Variants in ADCY1 observed in about 807,000 individuals in gnomAD.
ADCY1 encodes adenylate cyclase type 1.
ADCY1 carries 28 observed loss-of-function variants against 105.4 expected under a neutral mutation model. The observed-to-expected ratio is 0.27, with a 90% CI of 0.20 to 0.36. The LOEUF is 0.36. ADCY1 is among the 10% of genes least tolerant of loss of function. The pLI is 1.00. For synonymous variants in ADCY1, 655 were observed against 623.8 expected (o/e 1.05, Z -0.75); for missense variants, 977 against 1,434.2 (o/e 0.68, Z 5.15).
At chr7:45,579,479 C>T (rs905308914) in intron 1 of ADCY1, among the ~76,000 whole-genome samples, 19 of 152,108 alleles carry the variant, frequency 1.2e-4, no homozygotes, top group Admixed American at 6.5e-5. Context: ...TACTCCCCCA[C>T]GGACCCCTCC....
intron 4 of ADCY1, among the ~76,000 whole-genome samples, chr7:45,623,255 T>G (rs370565599): frequency 2.6e-5 from 4 of 152,236 alleles, no homozygotes; most frequent in African/African-American, 9.6e-5. Flanking sequence ...GTGCTGGGGT[T>G]TTGAAAGACC....
chr7:45,630,805 G>C (rs1429917709), intron 4 of ADCY1, among the ~76,000 whole-genome samples: 2 of 152,076 alleles, frequency 1.3e-5, no homozygotes, highest in South Asian at 4.1e-4. Flanking sequence ...ACATTAGAAA[G>C]ATCTTTGTTT....
At chr7:45,607,866 C>T (rs1793424320) in intron 2 of ADCY1, among the ~76,000 whole-genome samples, 1 of 152,170 alleles carries the variant, frequency 6.6e-6, no homozygotes, top group Non-Finnish European at 1.5e-5. Context: ...GTGTTGATTT[C>T]ATGTCTTTTA....
intron 10 of ADCY1, among the ~76,000 whole-genome samples, chr7:45,679,096 C>T (rs981284200): frequency 6.6e-5 from 10 of 152,064 alleles, no homozygotes; most frequent in African/African-American, 2.4e-4. Flanking sequence ...AAGAAAGACA[C>T]CACTGAGTCT....
chr7:45,639,722 A>T (rs1794488598), intron 4 of ADCY1, among the ~76,000 whole-genome samples: 1 of 152,206 alleles, frequency 6.6e-6, no homozygotes, highest in Admixed American at 6.5e-5. Flanking sequence ...CATGCCAGAG[A>T]TGCATTCAGA....
chr7:45,588,425 C>T lies in ADCY1; in HGVS notation c.640-4334C>T, dbSNP rs372337907. Among the ~76,000 whole-genome samples the T allele has an allele frequency of 8.5e-5, 13 of 152,362 alleles. No homozygotes were observed. The East Asian group carries it at 1.9e-3, about 23-fold the overall frequency. ...CCATTACCTGGCCTCCTCATGTCCT[C>T]GTTGCTCCTGGGGAGCCATTGCTTC... On this transcript the variant is annotated intron_variant, in intron 1 of 19. Coordinates refer to ENST00000297323, the MANE Select transcript of ADCY1 (RefSeq NM_021116.4).
At position 45,591,317 on chromosome 7, in the gene ADCY1, C is replaced by T. The variant is rs985232852; in HGVS notation, c.640-1442C>T. Among the ~76,000 whole-genome samples, 1 of 152,234 alleles carries T rather than the reference C, an allele frequency of 6.6e-6. No individual in the cohort carries two copies. ...CCGTCTGGGGGCCCCATCCTGCTGCCTGTAGCTTGGCCCGATCAGGGTGAC... is the reference window on the plus strand; with the variant it reads ...CCGTCTGGGGGCCCCATCCTGCTGCTTGTAGCTTGGCCCGATCAGGGTGAC... On this transcript the variant is annotated intron_variant, in intron 1 of 19. Transcript: ENST00000297323. This position sits in a 1 kb window ranked among gnomAD's most constrained non-coding sequence, Gnocchi z 4.1.
Position 45,633,297 on chromosome 7 carries a change from G to A in ADCY1, c.1020+10554G>A, listed in dbSNP as rs746761914. On this transcript the variant is annotated intron_variant, in intron 4 of 19. Coordinates refer to ENST00000297323, the MANE Select transcript of ADCY1 (RefSeq NM_021116.4). ...AATACAGTTGACCCTTGAACATCAC[G>A]GATTTGAACTGTGTGGATCCACTTA... Among the ~76,000 whole-genome samples the A allele has an allele frequency of 3.9e-4, 59 of 152,056 alleles. 1 individual carries two copies. Among genetic ancestry groups the A allele is most frequent in the African/African-American group, 9.7e-5 (4 of 41,406 alleles).
intron 8 of ADCY1, chr7:45,664,513 A>G: frequency 2.9e-6 from 4 of 1,380,672 alleles, no homozygotes; most frequent in South Asian, 3.6e-5. Context: ...ATAATTGATT[A>G]TGGAAAATAT....
intron 4 of ADCY1, among the ~76,000 whole-genome samples, chr7:45,624,302 C>G (rs1022466882): frequency 2.0e-5 from 3 of 150,156 alleles, no homozygotes; most frequent in Non-Finnish European, 4.4e-5. Flanking sequence ...ACTTGGGAGC[C>G]TGTTGCAGAC....
chr7:45,718,442 C>G lies in ADCY1; in HGVS notation c.*4447C>G, dbSNP rs1785400430. 6.6e-6 allele frequency: 1 copy of G among 152,116 alleles called. No homozygotes were observed. Among genetic ancestry groups the G allele is most frequent in the Non-Finnish European group, 1.5e-5 (1 of 68,012 alleles). 9.4% of individuals were successfully genotyped at this position (152,116 alleles called of 1,614,324 possible). ...CCTGTTCAGGCCTGGGGGCCCCATGCTAGGCTTGCCTGGGTGTGAGAAGGT... is the reference window on the plus strand; with the variant it reads ...CCTGTTCAGGCCTGGGGGCCCCATGGTAGGCTTGCCTGGGTGTGAGAAGGT... On this transcript the variant is annotated 3_prime_UTR_variant, in exon 20 of 20. Transcript: ENST00000297323.
chr7:45,632,553 A>G (rs1463117575), intron 4 of ADCY1, among the ~76,000 whole-genome samples: 1 of 152,052 alleles, frequency 6.6e-6, no homozygotes, highest in Admixed American at 6.5e-5. Flanking sequence ...TATAGTTTTC[A>G]GTGTATATGT....
intron 4 of ADCY1, among the ~76,000 whole-genome samples, chr7:45,635,139 T>C (rs1380350374): frequency 1.7e-5 from 1 of 57,308 alleles, no homozygotes; most frequent in Admixed American, 1.4e-4. Context: ...GTGAGGTCAG[T>C]TTTTTTTTTT....
chr7:45,630,163 C>T (rs1272500155), intron 4 of ADCY1, among the ~76,000 whole-genome samples: 4 of 152,024 alleles, frequency 2.6e-5, no homozygotes, highest in Non-Finnish European at 4.4e-5. Flanking sequence ...TTTGTATGTT[C>T]TACATATAAG....
At chr7:45,604,371 C>T (rs577625327) in intron 2 of ADCY1, among the ~76,000 whole-genome samples, 9 of 152,216 alleles carry the variant, frequency 5.9e-5, no homozygotes, top group Admixed American at 2.0e-4. Flanking sequence ...AGGTTTAATT[C>T]GCCAGTTTTT....
chr7:45,649,023 T>C (rs1794743929), intron 5 of ADCY1, among the ~76,000 whole-genome samples: 1 of 152,220 alleles, frequency 6.6e-6, no homozygotes, highest in Non-Finnish European at 1.5e-5. Context: ...ATTTCGTGTG[T>C]GGCTGTATTT....
chr7:45,584,472 A>G (rs1792659563), intron 1 of ADCY1, among the ~76,000 whole-genome samples: 1 of 152,220 alleles, frequency 6.6e-6, no homozygotes, highest in African/African-American at 2.4e-5. Context: ...CAGCAGGGCC[A>G]TGCCTGGGAC....
At chr7:45,621,623 C>T (rs1793891082) in intron 3 of ADCY1, among the ~76,000 whole-genome samples, 1 of 152,106 alleles carries the variant, frequency 6.6e-6, no homozygotes, top group Non-Finnish European at 1.5e-5. Flanking sequence ...TGGATAGTTC[C>T]CTTGGAGTCC....
intron 14 of ADCY1, among the ~76,000 whole-genome samples, chr7:45,694,975 A>C (rs149164620): frequency 7.0e-4 from 106 of 152,342 alleles, no homozygotes; most frequent in Middle Eastern, 3.4e-3. Context: ...AGACTTGAAG[A>C]GACCAGAACA....
Sources: gnomAD v4.1 joint callset for allele counts (sites outside exome capture counted in the v4.1 genomes callset) on GRCh38, gnomAD v4.1.1 for gene constraint, Gnocchi (gnomAD v3.1) non-coding constraint, MANE v1.5 for transcripts, NCBI Gene and HGNC (gene_info 2026-07-23, HGNC 2026-07-21) for gene names.